The following DOCK1 variants were observed in gnomAD, a reference collection of about 807,000 sequenced individuals.
The protein encoded by DOCK1 is dedicator of cytokinesis protein 1.
DOCK1 carries 138 observed loss-of-function variants against 262.7 expected under a neutral mutation model. That is an observed-to-expected ratio of 0.53 (90% CI 0.46 to 0.61). The LOEUF (loss-of-function observed/expected upper bound fraction) is 0.61, where lower values mean the gene tolerates loss of function less well. DOCK1 is among the 20% of genes least tolerant of loss of function. The pLI is 0.00. For synonymous variants in DOCK1, 866 were observed against 867.4 expected (o/e 1.00, Z 0.03); for missense variants, 1,908 against 2,370.7 (o/e 0.80, Z 4.05).
chr10:127,021,938 G>A (rs77130077), intron 13 of DOCK1, among the ~76,000 whole-genome samples: 1,591 of 152,232 alleles, frequency 0.01, 31 homozygotes, highest in African/African-American at 0.037. Context: ...TGACGGAACC[G>A]CTCTTTGGCT....
In DOCK1 at chr10:127,447,489, G is replaced by A. The variant is rs771525670; in HGVS notation, c.5509G>A (p.Glu1837Lys). 99 of 1,613,776 alleles carry A rather than the reference G, an allele frequency of 6.1e-5. No individual in the cohort carries two copies. The highest frequency in any genetic ancestry group is 3.3e-4 in the Middle Eastern group (2 of 6,082). The change falls in exon 51 of 52, where the codon GAA becomes AAA. Residue 1837 changes from glutamate to lysine, a missense_variant. Physicochemically the swap from Glu to Lys is moderately conservative, Grantham distance 56. This residue lies in a region of DOCK1 where 383 missense variants were observed against 420.1 expected (regional missense o/e 0.91). Coordinates refer to ENST00000623213, the MANE Select transcript of DOCK1 (RefSeq NM_001290223.2). ...CGTGGCAGATTACGGGAATTTGATG[G>A]AAAACCAGGACTTGCTGGGCTCGCC... ...GSVADYGNLM[E>K]NQDLLGSPTP...
At chr10:126,956,884 T>TGGG (rs1472267835) in intron 1 of DOCK1, among the ~76,000 whole-genome samples, 1 of 151,918 alleles carries the variant, frequency 6.6e-6, no homozygotes. Flanking sequence ...GCCTGAGCAG[T>TGGG]GGGGGGCCAC....
At chr10:127,279,738 C>T (rs1421084819) in intron 29 of DOCK1, among the ~76,000 whole-genome samples, 1 of 152,144 alleles carries the variant, frequency 6.6e-6, no homozygotes, top group Non-Finnish European at 1.5e-5. Flanking sequence ...GCCTGGGCTG[C>T]AGCTCTGTTG....
intron 29 of DOCK1, among the ~76,000 whole-genome samples, chr10:127,307,537 A>G (rs2061919082): frequency 6.6e-6 from 1 of 152,044 alleles, no homozygotes; most frequent in African/African-American, 2.4e-5. Flanking sequence ...TTTCTCCCCG[A>G]TCCGAGGAGG....
chr10:127,125,002 A>G (rs1229505979), intron 25 of DOCK1, among the ~76,000 whole-genome samples: 1 of 152,158 alleles, frequency 6.6e-6, no homozygotes, highest in East Asian at 1.9e-4. Flanking sequence ...CTGTAGTCCC[A>G]GCTACTCAGG....
intron 27 of DOCK1, among the ~76,000 whole-genome samples, chr10:127,206,057 C>T (rs1276660663): frequency 6.6e-6 from 1 of 150,938 alleles, no homozygotes; most frequent in Non-Finnish European, 1.5e-5. Flanking sequence ...TAGAGGGATT[C>T]AGTTTTCCAA....
chr10:127,101,647 C>A (rs1395437490), intron 23 of DOCK1, among the ~76,000 whole-genome samples: 1 of 152,222 alleles, frequency 6.6e-6, no homozygotes, highest in Non-Finnish European at 1.5e-5. Context: ...GGAGCCCTCG[C>A]CCCGCTTGGC....
At chr10:126,933,296 A>C (rs2034318718) in intron 1 of DOCK1, among the ~76,000 whole-genome samples, 1 of 152,198 alleles carries the variant, frequency 6.6e-6, no homozygotes, top group African/African-American at 2.4e-5. Context: ...CTCCCAGTGG[A>C]CACCTTTCGT....
chr10:127,434,621 C>G (rs188238299), intron 48 of DOCK1, among the ~76,000 whole-genome samples: 32 of 152,092 alleles, frequency 2.1e-4, no homozygotes, highest in Admixed American at 1.5e-3. Context: ...TGCATTCTTT[C>G]CCCCCACCCC....
rs1254462018 is a variant in DOCK1, at chr10:127,061,760, A to G, written c.2429A>G (p.Gln810Arg). 6.3e-7 allele frequency: 1 copy of G among 1,588,300 alleles called. No individual in the cohort carries two copies. The highest frequency in any genetic ancestry group is 8.6e-7 in the Non-Finnish European group (1 of 1,167,132). ...GACATGATGAGCAGCATGTCAGACCAGACCGTCCGGGTGAAGGTGAGTGCC... is the reference window on the plus strand; with the variant it reads ...GACATGATGAGCAGCATGTCAGACCGGACCGTCCGGGTGAAGGTGAGTGCC... Reference protein sequence around the residue: ...INDMMSSMSDQTVRVKGAALK... With the variant: ...INDMMSSMSDRTVRVKGAALK... Residue 810 changes from glutamine (Q) to arginine (R), a missense_variant, in exon 23 of 52, where the codon CAG becomes CGG. This residue lies in a region of DOCK1 where 518 missense variants were observed against 575.1 expected (regional missense o/e 0.90). Coordinates refer to ENST00000623213, the MANE Select transcript of DOCK1 (RefSeq NM_001290223.2).
intron 27 of DOCK1, among the ~76,000 whole-genome samples, chr10:127,211,962 A>G (rs989354262): frequency 3.9e-5 from 6 of 152,226 alleles, no homozygotes; most frequent in African/African-American, 1.2e-4. Flanking sequence ...TGCCCTTTGA[A>G]AAGATTTAAA....
chr10:127,293,595 C>T (rs982615588), intron 29 of DOCK1, among the ~76,000 whole-genome samples: 13 of 152,164 alleles, frequency 8.5e-5, no homozygotes, highest in Non-Finnish European at 1.5e-4. Context: ...CCATCCCACC[C>T]GCAGGTTGGC....
chr10:126,916,041 G>C (rs1418423912), intron 1 of DOCK1, among the ~76,000 whole-genome samples: 1 of 152,136 alleles, frequency 6.6e-6, no homozygotes, highest in Non-Finnish European at 1.5e-5. Flanking sequence ...TTAGGCGTTG[G>C]GACACTATGG....
chr10:127,052,494 A>G (rs2044798350), intron 21 of DOCK1, among the ~76,000 whole-genome samples, 187 bp from the exon 22 acceptor site: 1 of 150,976 alleles, frequency 6.6e-6, no homozygotes, highest in African/African-American at 2.4e-5. Flanking sequence ...ATTGCACTCC[A>G]TCCTGGGTGA....
intron 10 of DOCK1, among the ~76,000 whole-genome samples, chr10:127,008,137 AC>A (rs2041173486): frequency 6.6e-6 from 1 of 151,954 alleles, no homozygotes; most frequent in Admixed American, 6.6e-5. Context: ...TCACTCTGTC[AC>A]TCAGGCTGGA....
intron 29 of DOCK1, among the ~76,000 whole-genome samples, chr10:127,270,757 A>C (rs1462827243): frequency 6.6e-6 from 1 of 151,886 alleles, no homozygotes. Flanking sequence ...ACCTTTTTAC[A>C]CGTCCCTGTC....
rs2489402 is a variant in DOCK1 at position 127,111,219 on chromosome 10, C to T, written c.2623+865C>T. ...TTGGTCCTTTGTGCCTTCTGGGATG[C>T]GAATTTTAATCTTCTTTCTTGGCTT... On this transcript the variant is annotated intron_variant, in intron 25 of 51. Coordinates refer to ENST00000623213, the MANE Select transcript of DOCK1 (RefSeq NM_001290223.2). 5.6e-3 allele frequency among the ~76,000 whole-genome samples: 851 copies of T among 152,218 alleles called. 9 individuals carry two copies. Among genetic ancestry groups the T allele is most frequent in the African/African-American group, 0.019 (784 of 41,518 alleles).
chr10:127,206,613 TC>T (rs2057736317), intron 27 of DOCK1, among the ~76,000 whole-genome samples: 1 of 151,890 alleles, frequency 6.6e-6, no homozygotes, highest in Admixed American at 6.6e-5. Flanking sequence ...TTCTCCAAAG[TC>T]CCCCTCCACC....
rs372035320 is a variant in DOCK1, at chr10:127,373,794, T to G, written c.3446T>G (p.Ile1149Ser). 1.2e-6 allele frequency: 2 copies of G among 1,610,484 alleles called. No homozygotes were observed. Among genetic ancestry groups the G allele is most frequent in the African/African-American group, 2.7e-5 (2 of 74,892 alleles). ...GTTTAATTATAGTTTGAAAATGAGA[T>G]CATCACCAAGCTGGATCATGAAGTC... ...TRSFQMFENE[I>S]ITKLDHEVEG... is the part of the protein sequence containing the mutation. The change falls in exon 34 of 52, where the codon ATC becomes AGC. Residue 1149 changes from isoleucine (I) to serine (S), a missense_variant. Transcript: ENST00000623213.
Sources: gnomAD v4.1 joint callset for allele counts (sites outside exome capture counted in the v4.1 genomes callset) on GRCh38, gnomAD v4.1.1 for gene constraint, gnomAD v4.1.1 regional missense constraint, MANE v1.5 for transcripts, NCBI Gene and HGNC (gene_info 2026-07-23, HGNC 2026-07-21) for gene names.